ALDOA: variants seen among roughly 807,000 people sequenced by gnomAD.
ALDOA encodes the protein fructose-bisphosphate aldolase A.
A neutral mutation model predicts 43.9 loss-of-function variants in ALDOA; 26 were observed. That is an observed-to-expected ratio of 0.59 (90% confidence interval 0.43 to 0.82). ALDOA has a LOEUF of 0.82. Among genes scored for constraint, ALDOA ranks in the 40% least tolerant of loss-of-function variants. The probability of loss-of-function intolerance (pLI) is 0.00; values close to 1 mark genes in which losing one functional copy is unlikely to be tolerated. For missense variants in ALDOA, 498 were observed against 549.5 expected (o/e 0.91, Z 0.94); for synonymous variants, 258 against 222.6 (o/e 1.16, Z -1.42).
chr16:30,066,330 G>A (rs2072102725), intron 1 of ALDOA: 1 of 152,518 alleles, frequency 6.6e-6, no homozygotes, highest in South Asian at 2.0e-4. Context: ...CCTTCGCGAG[G>A]AGGGAAACCC....
Position 30,066,959 on chromosome 16 carries a change from C to T in ALDOA, c.62C>T (p.Ala21Val), listed in dbSNP as rs2072130618. The T allele has an allele frequency of 1.3e-6, 2 of 1,552,036 alleles. No individual in the cohort carries two copies. Among genetic ancestry groups the T allele is most frequent in the Non-Finnish European group, 1.7e-6 (2 of 1,147,912 alleles). Residue 21 changes from alanine (A) to valine (V), a missense_variant, in exon 2 of 10, where the codon GCC becomes GTC. Ala to Val is a moderately conservative substitution (Grantham distance 64, BLOSUM62 0). Transcript: ENST00000642816. ...ATGACCCACCTGTCCATGGCTATGG[C>T]CTTTTCCTTTCCCCCAGTTGCCAGT... is the stretch of plus-strand genomic sequence containing the variant. ...FNMTHLSMAM[A>V]FSFPPVASGQ...
In ALDOA at chr16:30,070,243, T is replaced by C; in HGVS notation, c.*31T>C. The C allele has an allele frequency of 1.2e-6, 2 of 1,607,086 alleles. No homozygotes were observed. Among genetic ancestry groups the C allele is most frequent in the Non-Finnish European group, 1.7e-6 (2 of 1,173,938 alleles). Reference sequence around the variant, plus strand: ...GGTGTTCCCAGGCTGCCCCCAACACTCCAGGCCCTGCCCCCTCCCACTCTT... The same window carrying C: ...GGTGTTCCCAGGCTGCCCCCAACACCCCAGGCCCTGCCCCCTCCCACTCTT... On this transcript the variant is annotated 3_prime_UTR_variant, in exon 10 of 10. Coordinates refer to ENST00000642816, the MANE Select transcript of ALDOA (RefSeq NM_001243177.4).
Position 30,070,372 on chromosome 16 carries a change from C to T in ALDOA, c.*160C>T, listed in dbSNP as rs2072286019. On this transcript the variant is annotated 3_prime_UTR_variant, in exon 10 of 10. Coordinates refer to ENST00000642816, the MANE Select transcript of ALDOA (RefSeq NM_001243177.4). Reference sequence around the variant, plus strand: ...TCGTCTGTGAATGCTAAGTCCATCACCCTTTCCGGCACACTGCCAAATAAA... The same window carrying T: ...TCGTCTGTGAATGCTAAGTCCATCATCCTTTCCGGCACACTGCCAAATAAA... 1.2e-5 allele frequency: 8 copies of T among 677,596 alleles called. No individual in the cohort carries two copies. The East Asian group carries it at 2.2e-4, about 18-fold the overall frequency. The allele number at this position is 677,596 out of a possible 1,614,324, so 42.0% of individuals were successfully genotyped here. A position where few individuals can be genotyped will look rare whatever the true frequency, so the allele number is the denominator to read the frequency against.
At position 30,070,234 on chromosome 16, in the gene ALDOA, C is replaced by T. The variant is rs773896759; in HGVS notation, c.*22C>T. On this transcript the variant is annotated 3_prime_UTR_variant, in exon 10 of 10. Transcript: ENST00000642816. ...TTAAGCGGAGGTGTTCCCAGGCTGC[C>T]CCCAACACTCCAGGCCCTGCCCCCT... 4 of 1,611,858 alleles carry T rather than the reference C, an allele frequency of 2.5e-6. No homozygotes were observed. The highest frequency in any genetic ancestry group is 3.4e-6 in the Non-Finnish European group (4 of 1,178,062).
In ALDOA at chr16:30,069,254, G is replaced by A. The variant is rs930382668; in HGVS notation, c.703-52G>A. On this transcript the variant is annotated intron_variant, in intron 6 of 9. Coordinates refer to ENST00000642816, the MANE Select transcript of ALDOA (RefSeq NM_001243177.4). Reference sequence around the variant, plus strand: ...GACCAGTGGCTGTGGAGAGATGTAGGTGGGACTCTGGGTTAGGAGGCCTCA... The same window carrying A: ...GACCAGTGGCTGTGGAGAGATGTAGATGGGACTCTGGGTTAGGAGGCCTCA... 3.8e-6 allele frequency: 6 copies of A among 1,583,454 alleles called. No individual in the cohort carries two copies. The African/African-American group carries it at 8.1e-5, about 21-fold the overall frequency.
At chr16:30,069,034 T>C (rs750927739) in intron 6 of ALDOA, 56 bp downstream of exon 6, 2 of 1,610,780 alleles carry the variant, frequency 1.2e-6, no homozygotes, top group Admixed American at 3.3e-5. Context: ...TCCAGTGTTG[T>C]TAATTTGCCT....
intron 6 of ALDOA, 110 bp from the exon 7 acceptor site, chr16:30,069,196 C>G: frequency 7.1e-7 from 1 of 1,399,974 alleles, no homozygotes; most frequent in South Asian, 1.2e-5. Context: ...GGCTTTGAAG[C>G]CTGAGTCCCT....
chr16:30,067,269 T>C lies in ALDOA; in HGVS notation c.177T>C (p.Tyr59=), dbSNP rs1184132818. ...CTACCAGCACCATGCCCTACCAATA[T>C]CCAGCACTGACCCCGGAGCAGAAGA... ...LATTSTMPYQ[Y]PALTPEQKKE... The change falls in exon 3 of 10, where the codon TAT becomes TAC. Residue 59 remains tyrosine (Y), a synonymous_variant. Coordinates refer to ENST00000642816, the MANE Select transcript of ALDOA (RefSeq NM_001243177.4). 4 of 1,612,342 alleles carry C rather than the reference T, an allele frequency of 2.5e-6. No individual in the cohort carries two copies. The highest frequency in any genetic ancestry group is 2.2e-5 in the South Asian group (2 of 91,002).
intron 1 of ALDOA, among the ~76,000 whole-genome samples, chr16:30,066,482 G>C (rs535100528): frequency 9.8e-5 from 15 of 152,362 alleles, no homozygotes; most frequent in African/African-American, 3.6e-4. Flanking sequence ...CCACGTTCTT[G>C]CCCCGTAGGA....
intron 1 of ALDOA, among the ~76,000 whole-genome samples, chr16:30,066,568 T>C (rs985746225): frequency 1.3e-5 from 2 of 152,224 alleles, no homozygotes; most frequent in East Asian, 3.9e-4. Context: ...CCTGGGCTTC[T>C]CCTTGCTCTC....
intron 1 of ALDOA, 120 bp from the exon 2 acceptor site, chr16:30,066,765 T>G (rs1483107341): frequency 8.8e-7 from 1 of 1,132,044 alleles, no homozygotes; most frequent in Non-Finnish European, 1.2e-6. Flanking sequence ...CCGGGGTTGC[T>G]GTGTGGCTTG....
In ALDOA at chr16:30,070,279, C is replaced by A; in HGVS notation, c.*67C>A. On this transcript the variant is annotated 3_prime_UTR_variant, in exon 10 of 10. Coordinates refer to ENST00000642816, the MANE Select transcript of ALDOA (RefSeq NM_001243177.4). ...CCCCCTCCCACTCTTGAAGAGGAGG[C>A]CGCCTCCTCGGGGCTCCAGGCTGGC... 6.6e-7 allele frequency: 1 copy of A among 1,519,228 alleles called. No individual in the cohort carries two copies. The highest frequency in any genetic ancestry group is 9.1e-7 in the Non-Finnish European group (1 of 1,094,780). 94.1% of individuals were successfully genotyped at this position (1,519,228 alleles called of 1,614,324 possible). A position where few individuals can be genotyped will look rare whatever the true frequency, so the allele number is the denominator to read the frequency against.
At chr16:30,067,898 G>GT (rs763600654) in intron 4 of ALDOA, 433 of 577,516 alleles carry the variant, frequency 7.5e-4, no homozygotes, top group Non-Finnish European at 1.2e-3. Flanking sequence ...TTTGCTCAGA[G>GT]TAAGTGGCAG....
rs760894068 is a variant in ALDOA, at chr16:30,067,527, C to A, written c.352C>A (p.Leu118Met). 6.2e-7 allele frequency: 1 copy of A among 1,613,906 alleles called. No individual in the cohort carries two copies. Among genetic ancestry groups the A allele is most frequent in the Non-Finnish European group, 8.5e-7 (1 of 1,180,008 alleles). ...ENRRFYRQLL[L>M]TADDRVNPCI... The stretch of plus-strand genomic sequence containing the variant: ...CCGGCGCTTCTACCGCCAGCTGCTG[C>A]TGACAGCTGACGACCGCGTGAACCC... Residue 118 changes from leucine (L) to methionine (M), a missense_variant, in exon 4 of 10, where the codon CTG becomes ATG. Transcript: ENST00000642816.
At chr16:30,067,826 A>G in intron 4 of ALDOA, 165 bp downstream of exon 4, 1 of 771,712 alleles carries the variant, frequency 1.3e-6, no homozygotes, top group Non-Finnish European at 2.2e-6. Context: ...CACAATTCTG[A>G]GAGAACAGTA....
chr16:30,067,410 G>A (rs2072153948), intron 3 of ALDOA, 40 bp from the exon 4 acceptor site: 5 of 1,613,952 alleles, frequency 3.1e-6, no homozygotes, highest in South Asian at 1.1e-5. Context: ...AGGGTTGGGA[G>A]TGGCAGGCTG....
In ALDOA at chr16:30,070,257, C is replaced by T; in HGVS notation, c.*45C>T. On this transcript the variant is annotated 3_prime_UTR_variant, in exon 10 of 10. Transcript: ENST00000642816. Reference sequence around the variant, plus strand: ...GCCCCCAACACTCCAGGCCCTGCCCCCTCCCACTCTTGAAGAGGAGGCCGC... The same window carrying T: ...GCCCCCAACACTCCAGGCCCTGCCCTCTCCCACTCTTGAAGAGGAGGCCGC... The T allele has an allele frequency of 1.3e-6, 2 of 1,597,066 alleles. No homozygotes were observed. The highest frequency in any genetic ancestry group is 1.1e-5 in the South Asian group (1 of 90,632).
upstream of ALDOA, among the ~76,000 whole-genome samples, chr16:30,065,031 A>G (rs747938217): frequency 6.6e-6 from 1 of 152,184 alleles, no homozygotes; most frequent in African/African-American, 2.4e-5. Context: ...ATAGCCGCGC[A>G]TTCTGGTTTT....
rs768596159 is a variant in ALDOA, at chr16:30,069,611, A to G, written c.899A>G (p.His300Arg). Residue 300 changes from histidine (H) to arginine (R), a missense_variant, in exon 8 of 10, where the codon CAT becomes CGT. Transcript: ENST00000642816. ...CATGCTTGCACTCAGAAGTTTTCTC[A>G]TGAGGAGATTGCCATGGCGACCGTC... ...PGHACTQKFS[H>R]EEIAMATVTA... 6 of 1,613,976 alleles carry G rather than the reference A, an allele frequency of 3.7e-6. No homozygotes were observed. The highest frequency in any genetic ancestry group is 5.1e-6 in the Non-Finnish European group (6 of 1,179,940).
Sources: allele counts gnomAD v4.1 joint callset (sites outside exome capture counted in the v4.1 genomes callset), GRCh38; gene constraint gnomAD v4.1.1; transcripts MANE v1.5; gene names NCBI Gene and HGNC (gene_info 2026-07-23, HGNC 2026-07-21).